BLM: variants seen among roughly 807,000 people sequenced by gnomAD.
BLM encodes recQ-like DNA helicase BLM.
Under a neutral mutation model 135.3 loss-of-function variants are expected in BLM, and 95 were observed. That is an observed-to-expected ratio of 0.70 (90% CI 0.59 to 0.83). The LOEUF (loss-of-function observed/expected upper bound fraction) is 0.83, where lower values mean the gene tolerates loss of function less well. BLM is among the 40% of genes least tolerant of loss of function. BLM has a pLI of 0.00. For synonymous variants in BLM, 520 were observed against 589.2 expected, an observed-to-expected ratio of 0.88 and a Z score of 1.70; for missense variants, 1,518 against 1,663.9, an observed-to-expected ratio of 0.91 and a Z score of 1.53.
rs1268300883 is a variant in BLM, at chr15:90,799,669, G to A, written c.3358+1332G>A. Among the ~76,000 whole-genome samples the A allele has an allele frequency of 2.1e-5, 3 of 145,692 alleles. 1 individual carries two copies. Among genetic ancestry groups the A allele is most frequent in the South Asian group, 4.3e-4 (2 of 4,634 alleles). On this transcript the variant is annotated intron_variant, in intron 17 of 21. Transcript: ENST00000355112. ...AAAAAAAATTAAGACATATGGCCACGAGATTTGAGAATACTAAGAGTTAAA... is the reference window on the plus strand; with the variant it reads ...AAAAAAAATTAAGACATATGGCCACAAGATTTGAGAATACTAAGAGTTAAA...
At chr15:90,734,908 A>G (rs1291434100) in intron 1 of BLM, among the ~76,000 whole-genome samples, 1 of 152,156 alleles carries the variant, frequency 6.6e-6, no homozygotes, top group South Asian at 2.1e-4. Flanking sequence ...GAAAATAAAA[A>G]GTAATATTGT....
At chr15:90,809,295 G>A (rs776533350) in intron 20 of BLM, 36 bp downstream of exon 20, 1 of 1,613,946 alleles carries the variant, frequency 6.2e-7, no homozygotes, top group Admixed American at 1.7e-5. Flanking sequence ...CTAAAAGCCT[G>A]TTTAATGTGA....
At chr15:90,780,167 C>G (rs1896584314) in intron 12 of BLM, among the ~76,000 whole-genome samples, 1 of 151,622 alleles carries the variant, frequency 6.6e-6, no homozygotes. Flanking sequence ...TCACTGCAAC[C>G]TCCGCCTCTC....
chr15:90,749,573 G>C lies in BLM; in HGVS notation c.305G>C (p.Gly102Ala). The C allele has an allele frequency of 6.2e-7, 1 of 1,614,156 alleles. No homozygotes were observed. The highest frequency in any genetic ancestry group is 1.3e-5 in the African/African-American group (1 of 75,040). The change falls in exon 3 of 22, where the codon GGT becomes GCT. Residue 102 changes from glycine to alanine, a missense_variant. Gly to Ala is a moderately conservative substitution (Grantham distance 60). Transcript: ENST00000355112. ...CCAGCAGGACAGGAAACACAGAGAG[G>C]TGGATCAAAATCATTATTGCCAGAT... ...NAPAGQETQR[G>A]GSKSLLPDFL...
chr15:90,803,461 T>C, intron 17 of BLM, 60 bp from the exon 18 acceptor site: 4 of 1,510,466 alleles, frequency 2.6e-6, no homozygotes, highest in Middle Eastern at 1.7e-4. Flanking sequence ...TAGCCTCTTC[T>C]ATTTGAGGGT....
At chr15:90,739,271 C>T (rs756476492) in intron 1 of BLM, among the ~76,000 whole-genome samples, 27 of 152,130 alleles carry the variant, frequency 1.8e-4, no homozygotes, top group East Asian at 5.8e-4. Flanking sequence ...CTTGATGGCA[C>T]GCACCTGTAA....
At chr15:90,754,131 C>T (rs1263111499) in intron 4 of BLM, among the ~76,000 whole-genome samples, 2 of 152,188 alleles carry the variant, frequency 1.3e-5, no homozygotes, top group Non-Finnish European at 2.9e-5. Flanking sequence ...ATCTCCTTGG[C>T]AAAGCCTTCT....
At chr15:90,758,062 T>C (rs936706212) in intron 5 of BLM, among the ~76,000 whole-genome samples, 6 of 151,958 alleles carry the variant, frequency 3.9e-5, no homozygotes, top group African/African-American at 1.4e-4. Context: ...GTATTTTTAT[T>C]AGAGACAGGG....
chr15:90,778,708 C>T (rs1255360710), intron 12 of BLM, among the ~76,000 whole-genome samples: 4 of 152,030 alleles, frequency 2.6e-5, no homozygotes, highest in African/African-American at 4.8e-5. Context: ...TAGACGTCTA[C>T]GACATTTTAT....
chr15:90,741,746 T>C (rs1311332121), intron 1 of BLM, among the ~76,000 whole-genome samples: 1 of 152,240 alleles, frequency 6.6e-6, no homozygotes, highest in Admixed American at 6.5e-5. Context: ...GTTGTCTACA[T>C]ATAATGATAA....
chr15:90,768,060 A>G (rs1395065003), intron 10 of BLM, among the ~76,000 whole-genome samples: 1 of 150,960 alleles, frequency 6.6e-6, no homozygotes, highest in Non-Finnish European at 1.5e-5. Context: ...CTCCTGCCTC[A>G]GCCTCCCAAG....
chr15:90,764,001 G>C (rs930029131), intron 8 of BLM, among the ~76,000 whole-genome samples: 1 of 152,112 alleles, frequency 6.6e-6, no homozygotes, highest in Non-Finnish European at 1.5e-5. Flanking sequence ...TTTAGATTTA[G>C]ATAGCCTTGG....
intron 16 of BLM, among the ~76,000 whole-genome samples, chr15:90,794,674 G>A (rs991282101): frequency 1.3e-5 from 2 of 149,508 alleles, no homozygotes; most frequent in African/African-American, 2.4e-5. Flanking sequence ...TCCAACATGG[G>A]CAGGTAGAAT....
intron 9 of BLM, among the ~76,000 whole-genome samples, chr15:90,765,648 T>C (rs1896104429): frequency 6.6e-6 from 1 of 152,260 alleles, no homozygotes; most frequent in African/African-American, 2.4e-5. Flanking sequence ...TTTTTGCTGA[T>C]GTAAATTTTT....
chr15:90,812,173 C>G (rs188111015), intron 21 of BLM, among the ~76,000 whole-genome samples: 1 of 152,190 alleles, frequency 6.6e-6, no homozygotes, highest in African/African-American at 2.4e-5. Flanking sequence ...CTGCAGAATC[C>G]CATGGATCTC....
chr15:90,798,513 A>G (rs993811364), intron 17 of BLM, among the ~76,000 whole-genome samples, 176 bp downstream of exon 17: 3 of 152,252 alleles, frequency 2.0e-5, no homozygotes, highest in African/African-American at 7.2e-5. Flanking sequence ...TATAATGTAT[A>G]TGTCACTAAG....
At chr15:90,803,861 T>A in intron 18 of BLM, 141 bp downstream of exon 18, 1 of 975,302 alleles carries the variant, frequency 1.0e-6, no homozygotes, top group Non-Finnish European at 1.5e-6. Context: ...CTGTTTTTCT[T>A]AAATTGGAAA....
At position 90,749,652 on chromosome 15, in the gene BLM, AAAG is replaced by A. The variant is rs587778105; in HGVS notation, c.387_389del (p.Lys130del). Reference sequence around the variant, plus strand: ...GCACTACCCAAAACACACCAACTGTAAAGAAATCCCGGGATACTGCTCTCAAGA... The same window carrying A: ...GCACTACCCAAAACACACCAACTGTAAAATCCCGGGATACTGCTCTCAAGA... On this transcript the variant is annotated inframe_deletion, in exon 3 of 22. Transcript: ENST00000355112. The A allele has an allele frequency of 1.3e-4, 209 of 1,614,072 alleles. 1 individual carries two copies. The South Asian group carries it at 2.2e-3, about 17-fold the overall frequency.
chr15:90,776,348 C>T (rs1896476600), intron 12 of BLM, among the ~76,000 whole-genome samples: 1 of 152,136 alleles, frequency 6.6e-6, no homozygotes, highest in Non-Finnish European at 1.5e-5. Context: ...CAATACTTAC[C>T]TAATGACTAT....
Sources: allele counts gnomAD v4.1 joint callset (sites outside exome capture counted in the v4.1 genomes callset), GRCh38; gene constraint gnomAD v4.1.1; transcripts MANE v1.5; gene names NCBI Gene and HGNC (gene_info 2026-07-23, HGNC 2026-07-21).